RASGEF1C: variants seen among roughly 807,000 people sequenced by gnomAD.
The protein encoded by RASGEF1C is RasGEF domain family member 1C.
RASGEF1C carries 27 observed loss-of-function variants against 58.1 expected under a neutral mutation model. The observed-to-expected ratio is 0.46, with a 90% CI of 0.34 to 0.64. RASGEF1C has a LOEUF of 0.64. RASGEF1C is among the 30% of genes least tolerant of loss of function. The pLI, the probability that RASGEF1C is intolerant of heterozygous loss-of-function variation, is 0.01. For synonymous variants in RASGEF1C, 243 were observed against 246.3 expected (o/e 0.99, Z 0.13); for missense variants, 502 against 605.1 (o/e 0.83, Z 1.79).
chr5:180,111,985 A>C (rs979211705), intron 11 of RASGEF1C, among the ~76,000 whole-genome samples: 4 of 152,204 alleles, frequency 2.6e-5, no homozygotes, highest in Non-Finnish European at 4.4e-5. Context: ...AGCAGTGCAC[A>C]GTTGTGAATG....
At chr5:180,103,238 C>G (rs1164740219) in intron 12 of RASGEF1C, among the ~76,000 whole-genome samples, 1 of 152,162 alleles carries the variant, frequency 6.6e-6, no homozygotes, top group African/African-American at 2.4e-5. Context: ...CCACCACGCC[C>G]GGCTAATGTT....
At chr5:180,190,845 G>T (rs781512443) in intron 1 of RASGEF1C, among the ~76,000 whole-genome samples, 10 of 152,186 alleles carry the variant, frequency 6.6e-5, no homozygotes, top group Non-Finnish European at 1.5e-4. Context: ...TTGAAATGAA[G>T]AACTTGTGCT....
At chr5:180,139,487 C>T (rs1398223019) in intron 1 of RASGEF1C, among the ~76,000 whole-genome samples, 2 of 152,206 alleles carry the variant, frequency 1.3e-5, no homozygotes, top group Non-Finnish European at 2.9e-5. Flanking sequence ...GAGGGAGCCC[C>T]TCAGAGGGCT....
At chr5:180,147,534 C>G (rs1486411558) in intron 1 of RASGEF1C, among the ~76,000 whole-genome samples, 1 of 152,014 alleles carries the variant, frequency 6.6e-6, no homozygotes, top group African/African-American at 2.4e-5. Flanking sequence ...TCGAATTTCC[C>G]TTGGGACTTG....
intron 12 of RASGEF1C, among the ~76,000 whole-genome samples, chr5:180,108,750 C>G (rs546410158): frequency 9.9e-4 from 150 of 152,274 alleles, no homozygotes; most frequent in African/African-American, 3.5e-3. Flanking sequence ...GACTAATTGC[C>G]AGGTGGGCCC....
intron 11 of RASGEF1C, among the ~76,000 whole-genome samples, chr5:180,112,671 G>C (rs963574432): frequency 2.6e-5 from 4 of 152,252 alleles, no homozygotes; most frequent in African/African-American, 7.2e-5. Context: ...CAGACTCGGG[G>C]TCCAGCTGCT....
At chr5:180,138,105 G>A in intron 1 of RASGEF1C, 47 bp from the exon 2 acceptor site, 1 of 1,216,478 alleles carries the variant, frequency 8.2e-7, no homozygotes, top group Non-Finnish European at 1.1e-6. Context: ...GCACACCTGA[G>A]TTGGGTGCAC....
chr5:180,116,105 G>A (rs1022744903), intron 10 of RASGEF1C, among the ~76,000 whole-genome samples: 13 of 152,134 alleles, frequency 8.5e-5, no homozygotes, highest in Admixed American at 2.0e-4. Flanking sequence ...CGTCCCATAC[G>A]TGAGCACTTC....
intron 1 of RASGEF1C, among the ~76,000 whole-genome samples, chr5:180,182,154 G>A (rs1200243898): frequency 1.2e-4 from 16 of 132,418 alleles, no homozygotes; most frequent in African/African-American, 3.9e-4. Context: ...GCAGTGAGTC[G>A]AGATCGCGCC....
rs570495345 is a variant in RASGEF1C, at chr5:180,170,200, G to A, written c.-6-32142C>T. On this transcript the variant is annotated intron_variant, in intron 1 of 13. Transcript: ENST00000361132. ...AGTGAGTGAGTGAATGATGGCCCCC[G>A]GGATGCGGGAGGGGACCAAGCCGGG... 1.2e-4 allele frequency among the ~76,000 whole-genome samples: 18 copies of A among 152,292 alleles called. No individual in the cohort carries two copies. In the South Asian group the frequency reaches 1.4e-3, roughly 12 times the overall value.
chr5:180,127,662 G>A lies in RASGEF1C; in HGVS notation c.661C>T (p.Pro221Ser). Residue 221 changes from proline (P) to serine (S), a missense_variant, in exon 6 of 14, where the codon CCT becomes TCT. Pro to Ser is a moderately conservative substitution (Grantham distance 74, BLOSUM62 -1). Coordinates refer to ENST00000361132, the MANE Select transcript of RASGEF1C (RefSeq NM_175062.4). ...ACAAAGGCCTGGACAAACTCCTCAG[G>A]CCCGATGTGCCGCAGCCGCTCCTGC... ...VELERLRHIG[P>S]EEFVQAFVNK... 1 of 1,613,134 alleles carries A rather than the reference G, an allele frequency of 6.2e-7. No individual in the cohort carries two copies. The highest frequency in any genetic ancestry group is 8.5e-7 in the Non-Finnish European group (1 of 1,179,712).
chr5:180,157,606 A>G (rs544374864), intron 1 of RASGEF1C, among the ~76,000 whole-genome samples: 7 of 148,858 alleles, frequency 4.7e-5, no homozygotes, highest in South Asian at 2.2e-4. Flanking sequence ...CAGTCTCAGC[A>G]ACAAGAGCAA....
At chr5:180,199,810 A>G (rs891386280) in intron 1 of RASGEF1C, among the ~76,000 whole-genome samples, 1 of 151,802 alleles carries the variant, frequency 6.6e-6, no homozygotes, top group African/African-American at 2.4e-5. Flanking sequence ...GACTACAGGT[A>G]TCAGTGATCT....
chr5:180,194,104 G>A (rs2127563282), intron 1 of RASGEF1C, among the ~76,000 whole-genome samples: 1 of 152,194 alleles, frequency 6.6e-6, no homozygotes, highest in South Asian at 2.1e-4. Flanking sequence ...GTGTGACCTT[G>A]GGGTGTCCTC....
chr5:180,150,795 A>G (rs1766733479), intron 1 of RASGEF1C, among the ~76,000 whole-genome samples: 1 of 152,182 alleles, frequency 6.6e-6, no homozygotes, highest in Admixed American at 6.5e-5. Context: ...TGCAGATGAC[A>G]TGATTGTATA....
intron 1 of RASGEF1C, among the ~76,000 whole-genome samples, chr5:180,195,160 G>T (rs1756243850): frequency 6.6e-6 from 1 of 152,078 alleles, no homozygotes; most frequent in African/African-American, 2.4e-5. Context: ...CCTGACTCCT[G>T]TTTGACCTTG....
At chr5:180,195,788 A>C (rs1377097549) in intron 1 of RASGEF1C, among the ~76,000 whole-genome samples, 1 of 151,470 alleles carries the variant, frequency 6.6e-6, no homozygotes, top group Non-Finnish European at 1.5e-5. Context: ...AAAAAAAAAG[A>C]AAAGCACAAC....
chr5:180,117,477 T>A (rs1417789059), intron 10 of RASGEF1C, among the ~76,000 whole-genome samples: 1 of 152,182 alleles, frequency 6.6e-6, no homozygotes, highest in Non-Finnish European at 1.5e-5. Flanking sequence ...CCACCAATGT[T>A]CCCGCATGGC....
chr5:180,168,943 G>C lies in RASGEF1C; in HGVS notation c.-6-30885C>G, dbSNP rs932039870. ...GAGTGCAGGCTTGGCTAGAGCGGGG[G>C]AAAAACGGCAAACCTACTTCCAGCT... On this transcript the variant is annotated intron_variant, in intron 1 of 13. Transcript: ENST00000361132. The surrounding 1 kb of genome is among the most constrained non-coding windows in gnomAD (Gnocchi z 6.0). 3.3e-5 allele frequency among the ~76,000 whole-genome samples: 5 copies of C among 152,120 alleles called. No individual in the cohort carries two copies. The highest frequency in any genetic ancestry group is 9.7e-5 in the African/African-American group (4 of 41,436).
Sources: allele counts gnomAD v4.1 joint callset (sites outside exome capture counted in the v4.1 genomes callset), GRCh38; gene constraint gnomAD v4.1.1; non-coding constraint Gnocchi (gnomAD v3.1); transcripts MANE v1.5; gene names NCBI Gene and HGNC (gene_info 2026-07-23, HGNC 2026-07-21).